The following NXPH1 variants were observed in gnomAD, a reference collection of about 807,000 sequenced individuals.
NXPH1 encodes the protein neurexophilin-1.
Under a neutral mutation model 23.7 loss-of-function variants are expected in NXPH1, and 5 were observed. That is an observed-to-expected ratio of 0.21 (90% CI 0.11 to 0.44). The LOEUF (loss-of-function observed/expected upper bound fraction) is 0.44, where lower values mean the gene tolerates loss of function less well. Ranked by LOEUF, NXPH1 falls within the 20% of genes least tolerant of loss-of-function variation. The pLI is 0.99. For missense variants in NXPH1, 324 were observed against 321.6 expected, an observed-to-expected ratio of 1.01 and a Z score of -0.06; for synonymous variants, 144 against 122.2, an observed-to-expected ratio of 1.18 and a Z score of -1.18.
At position 8,613,041 on chromosome 7, in the gene NXPH1, G is replaced by T. The variant is rs1819653764; in HGVS notation, c.55-137967G>T. On this transcript the variant is annotated intron_variant, in intron 2 of 2. Coordinates refer to ENST00000405863, the MANE Select transcript of NXPH1 (RefSeq NM_152745.3). ...GGTCAGTGTGTTGCCAAACTATAGG[G>T]ATATGTGTGTTTTTACTTATCACTC... Among the ~76,000 whole-genome samples the T allele has an allele frequency of 2.0e-5, 3 of 151,884 alleles. No individual in the cohort carries two copies. The South Asian group carries it at 6.2e-4, about 32-fold the overall frequency.
chr7:8,638,344 C>G (rs891145312), intron 2 of NXPH1, among the ~76,000 whole-genome samples: 1 of 152,172 alleles, frequency 6.6e-6, no homozygotes, highest in Non-Finnish European at 1.5e-5. Flanking sequence ...CGTAGATGCT[C>G]CCATTCACTG....
At chr7:8,649,161 A>T (rs1159190013) in intron 2 of NXPH1, among the ~76,000 whole-genome samples, 1 of 152,182 alleles carries the variant, frequency 6.6e-6, no homozygotes. Flanking sequence ...GTTTACAAAA[A>T]GATGAAAGTC....
At chr7:8,520,060 A>T (rs1178479422) in intron 2 of NXPH1, among the ~76,000 whole-genome samples, 1 of 152,138 alleles carries the variant, frequency 6.6e-6, no homozygotes, top group Admixed American at 6.5e-5. Context: ...TATTTTCATT[A>T]TACAAAAAGA....
intron 2 of NXPH1, among the ~76,000 whole-genome samples, chr7:8,660,612 T>C (rs139970724): frequency 1.5e-3 from 231 of 152,312 alleles, no homozygotes; most frequent in African/African-American, 5.4e-3. Flanking sequence ...TTGAAATGAA[T>C]TGGACAAAAG....
chr7:8,490,910 G>A (rs1469379883), intron 2 of NXPH1, among the ~76,000 whole-genome samples: 1 of 151,858 alleles, frequency 6.6e-6, no homozygotes, highest in Non-Finnish European at 1.5e-5. Context: ...ATATTAACAG[G>A]GTTATTTTTA....
At chr7:8,480,406 C>G (rs1178215074) in intron 2 of NXPH1, among the ~76,000 whole-genome samples, 2 of 152,172 alleles carry the variant, frequency 1.3e-5, no homozygotes, top group Admixed American at 6.5e-5. Context: ...GAAGGCAAAT[C>G]TATCTTTACC....
chr7:8,714,831 T>G (rs1238044261), intron 2 of NXPH1, among the ~76,000 whole-genome samples: 1 of 152,120 alleles, frequency 6.6e-6, no homozygotes, highest in East Asian at 1.9e-4. Flanking sequence ...GACAAAGTCC[T>G]CTTTACTCTT....
At chr7:8,551,201 A>G (rs1032609735) in intron 2 of NXPH1, among the ~76,000 whole-genome samples, 4 of 151,618 alleles carry the variant, frequency 2.6e-5, no homozygotes, top group Non-Finnish European at 5.9e-5. Context: ...ACCCTATTCA[A>G]TTTCTATTTT....
At chr7:8,452,693 T>G (rs1816528226) in intron 2 of NXPH1, among the ~76,000 whole-genome samples, 1 of 152,156 alleles carries the variant, frequency 6.6e-6, no homozygotes, top group Non-Finnish European at 1.5e-5. Context: ...TTCAAATGTT[T>G]GACTTGTTTT....
intron 2 of NXPH1, among the ~76,000 whole-genome samples, chr7:8,502,153 T>G (rs1270022554): frequency 6.6e-6 from 1 of 152,044 alleles, no homozygotes; most frequent in African/African-American, 2.4e-5. Flanking sequence ...AGCTTCCCTA[T>G]CTCAGAAATT....
chr7:8,706,354 G>A (rs1408874584), intron 2 of NXPH1, among the ~76,000 whole-genome samples: 1 of 152,172 alleles, frequency 6.6e-6, no homozygotes, highest in Non-Finnish European at 1.5e-5. Context: ...ACAAGCAGGT[G>A]TCTCAAACTT....
intron 2 of NXPH1, among the ~76,000 whole-genome samples, chr7:8,585,122 T>C (rs1221528420): frequency 1.3e-5 from 2 of 152,196 alleles, no homozygotes; most frequent in Non-Finnish European, 2.9e-5. Flanking sequence ...ATATCAGTAA[T>C]TTGGGGGACT....
intron 2 of NXPH1, among the ~76,000 whole-genome samples, chr7:8,461,033 G>T (rs1816685716): frequency 6.6e-6 from 1 of 152,176 alleles, no homozygotes; most frequent in African/African-American, 2.4e-5. Context: ...TACACTGATG[G>T]ATAAGTATTG....
rs138426188 is a variant in NXPH1 at position 8,557,517 on chromosome 7, G to A, written c.54+121750G>A. 2.4e-3 allele frequency among the ~76,000 whole-genome samples: 361 copies of A among 151,748 alleles called. 2 individuals are homozygous for A. Among genetic ancestry groups the A allele is most frequent in the African/African-American group, 8.5e-3 (352 of 41,480 alleles). ...GGTAAATTATTGACCCCTCCACTCA[G>A]GGTCTGGTTTCTTGGTTTGTAGACT... On this transcript the variant is annotated intron_variant, in intron 2 of 2. Transcript: ENST00000405863.
chr7:8,673,122 A>G (rs1583224655), intron 2 of NXPH1, among the ~76,000 whole-genome samples: 1 of 152,124 alleles, frequency 6.6e-6, no homozygotes, highest in East Asian at 1.9e-4. Flanking sequence ...TTATTGCTCT[A>G]TTTTCATATG....
intron 2 of NXPH1, among the ~76,000 whole-genome samples, chr7:8,487,837 A>G (rs897055422): frequency 6.6e-6 from 1 of 152,140 alleles, no homozygotes; most frequent in Non-Finnish European, 1.5e-5. Context: ...ATATTAGAGG[A>G]GGTGTTTTGA....
intron 2 of NXPH1, among the ~76,000 whole-genome samples, chr7:8,474,400 G>A (rs1348090891): frequency 1.3e-5 from 2 of 152,016 alleles, no homozygotes; most frequent in Non-Finnish European, 2.9e-5. Flanking sequence ...GGGAAATATA[G>A]AGAAGTCTAA....
At chr7:8,631,839 T>G (rs1467838343) in intron 2 of NXPH1, among the ~76,000 whole-genome samples, 1 of 152,174 alleles carries the variant, frequency 6.6e-6, no homozygotes, top group African/African-American at 2.4e-5. Context: ...ACCTTAGAAG[T>G]GTTGTTAGGA....
chr7:8,690,429 T>C (rs1369321930), intron 2 of NXPH1: 2 of 152,258 alleles, frequency 1.3e-5, no homozygotes, highest in Non-Finnish European at 2.9e-5. Flanking sequence ...GCTTTGTTTT[T>C]AAAGATATCT....
Sources: gnomAD v4.1 joint callset for allele counts (sites outside exome capture counted in the v4.1 genomes callset) on GRCh38, gnomAD v4.1.1 for gene constraint, MANE v1.5 for transcripts, NCBI Gene and HGNC (gene_info 2026-07-23, HGNC 2026-07-21) for gene names.